TEAD1: variants seen among roughly 807,000 people sequenced by gnomAD.
TEAD1 encodes TEA domain transcription factor 1, also known as transcriptional enhancer factor TEF-1.
In TEAD1, 9 loss-of-function variants were observed where a neutral mutation model predicts 54.9. The ratio of observed to expected loss-of-function variants is 0.16; its 90% CI spans 0.10 to 0.29. The LOEUF is 0.29. Ranked by LOEUF, TEAD1 falls within the 10% of genes least tolerant of loss-of-function variation. The pLI is 1.00. For synonymous variants in TEAD1, 200 were observed against 187.8 expected (o/e 1.07, Z -0.53); for missense variants, 387 against 535.9 (o/e 0.72, Z 2.74).
intron 3 of TEAD1, among the ~76,000 whole-genome samples, chr11:12,804,104 T>C (rs1946120201): frequency 6.6e-6 from 1 of 152,240 alleles, no homozygotes; most frequent in African/African-American, 2.4e-5. Context: ...TGCCAGAGCT[T>C]ATTTACCCAA....
chr11:12,729,239 G>A (rs1423637841), intron 2 of TEAD1, among the ~76,000 whole-genome samples: 1 of 152,206 alleles, frequency 6.6e-6, no homozygotes, highest in African/African-American at 2.4e-5. Context: ...TCATGTGGAC[G>A]AGATTCCCCA....
chr11:12,903,050 G>T (rs1282307147), intron 10 of TEAD1, among the ~76,000 whole-genome samples: 1 of 152,134 alleles, frequency 6.6e-6, no homozygotes, highest in East Asian at 1.9e-4. Flanking sequence ...GCCTCAGGGG[G>T]CCTTATTCAT....
chr11:12,680,519 T>C (rs1943197022), intron 2 of TEAD1, among the ~76,000 whole-genome samples: 1 of 152,348 alleles, frequency 6.6e-6, no homozygotes, highest in East Asian at 1.9e-4. Context: ...AAAAGCGCAT[T>C]GTCTGCTTGC....
chr11:12,846,372 T>C (rs1345964417), intron 3 of TEAD1, among the ~76,000 whole-genome samples: 1 of 152,220 alleles, frequency 6.6e-6, no homozygotes, highest in Non-Finnish European at 1.5e-5. Context: ...CTTGTTGGTT[T>C]AAACTGCTTA....
rs368963682 is a variant in TEAD1 at position 12,873,865 on chromosome 11, A to C, written c.331-5843A>C. Reference sequence around the variant, plus strand: ...AACATCTGCAAGATTACTTCTTAGGAAAGTATTTTGTGTTTTGTCTTTTTC... The same window carrying C: ...AACATCTGCAAGATTACTTCTTAGGCAAGTATTTTGTGTTTTGTCTTTTTC... On this transcript the variant is annotated intron_variant, in intron 5 of 12. Coordinates refer to ENST00000527636, the MANE Select transcript of TEAD1 (RefSeq NM_021961.6). Among the ~76,000 whole-genome samples, 26 of 152,330 alleles carry C rather than the reference A, an allele frequency of 1.7e-4. No individual in the cohort carries two copies. In the East Asian group the frequency reaches 1.7e-3, roughly 10 times the overall value.
chr11:12,894,497 A>C (rs1049424863), intron 9 of TEAD1, among the ~76,000 whole-genome samples: 1 of 152,186 alleles, frequency 6.6e-6, no homozygotes, highest in Non-Finnish European at 1.5e-5. Context: ...TTTCATCTAC[A>C]GTGATGGACA....
chr11:12,791,096 G>T (rs533291795), intron 3 of TEAD1, among the ~76,000 whole-genome samples: 1 of 152,278 alleles, frequency 6.6e-6, no homozygotes, highest in African/African-American at 2.4e-5. Context: ...CCTCATCTCC[G>T]TTATGGATTG....
intron 2 of TEAD1, among the ~76,000 whole-genome samples, chr11:12,759,236 A>G (rs1416260735): frequency 6.6e-6 from 1 of 152,106 alleles, no homozygotes; most frequent in Non-Finnish European, 1.5e-5. Context: ...CTCTTGTTGG[A>G]TAGAGTTGGT....
At chr11:12,864,972 A>T in intron 5 of TEAD1, 72 bp downstream of exon 5, 1 of 1,528,650 alleles carries the variant, frequency 6.5e-7, no homozygotes, top group South Asian at 1.1e-5. Context: ...GTGACTGGTG[A>T]ATGCCTGGTG....
chr11:12,773,732 A>G (rs1457201702), intron 3 of TEAD1, among the ~76,000 whole-genome samples: 1 of 152,144 alleles, frequency 6.6e-6, no homozygotes, highest in Non-Finnish European at 1.5e-5. Context: ...ATCTTTTCTC[A>G]TGGGCAAAGC....
At chr11:12,870,472 A>G (rs541145857) in intron 5 of TEAD1, among the ~76,000 whole-genome samples, 8 of 152,202 alleles carry the variant, frequency 5.3e-5, no homozygotes, top group African/African-American at 1.9e-4. Context: ...TAAGATGGAA[A>G]AAAGAAAAAA....
intron 3 of TEAD1, among the ~76,000 whole-genome samples, chr11:12,811,152 C>T (rs1182782333): frequency 6.6e-6 from 1 of 152,170 alleles, no homozygotes; most frequent in Non-Finnish European, 1.5e-5. Flanking sequence ...CCAGTCACAT[C>T]CAGTGAGATA....
intron 2 of TEAD1, among the ~76,000 whole-genome samples, chr11:12,695,513 G>A (rs558773241): frequency 2.6e-5 from 4 of 152,090 alleles, no homozygotes; most frequent in Admixed American, 2.0e-4. Flanking sequence ...ATTGCTTATC[G>A]TCTCTAGACC....
At chr11:12,749,133 G>T (rs963092241) in intron 2 of TEAD1, among the ~76,000 whole-genome samples, 1 of 152,100 alleles carries the variant, frequency 6.6e-6, no homozygotes, top group Non-Finnish European at 1.5e-5. Context: ...TGTGTGTGAG[G>T]ATTTGCGCTG....
chr11:12,890,569 G>A (rs1322944618), intron 9 of TEAD1, among the ~76,000 whole-genome samples: 2 of 152,128 alleles, frequency 1.3e-5, no homozygotes, highest in Non-Finnish European at 1.5e-5. Context: ...TAACAGGATC[G>A]CTGCCATGCT....
In TEAD1 at chr11:12,724,421, T is replaced by G. The variant is rs995972030; in HGVS notation, c.-54-39758T>G. On this transcript the variant is annotated intron_variant, in intron 2 of 12. Transcript: ENST00000527636. Reference sequence around the variant, plus strand: ...TTGAGATGAGGCACAATTAATTTATTTGTACTGTCTGTGGAGGCGTATGCC... The same window carrying G: ...TTGAGATGAGGCACAATTAATTTATGTGTACTGTCTGTGGAGGCGTATGCC... Among the ~76,000 whole-genome samples, 3 of 152,236 alleles carry G rather than the reference T, an allele frequency of 2.0e-5. No individual in the cohort carries two copies. In the East Asian group the frequency reaches 5.8e-4, roughly 29 times the overall value.
chr11:12,845,423 T>C (rs1947126568), intron 3 of TEAD1, among the ~76,000 whole-genome samples: 1 of 152,198 alleles, frequency 6.6e-6, no homozygotes, highest in African/African-American at 2.4e-5. Context: ...CTAGAAGTGT[T>C]AGTCTAGCAC....
intron 2 of TEAD1, among the ~76,000 whole-genome samples, chr11:12,683,121 C>T (rs907493747): frequency 2.6e-5 from 4 of 152,074 alleles, no homozygotes; most frequent in East Asian, 1.9e-4. Context: ...TTATGTTACC[C>T]GATTTATTTA....
intron 2 of TEAD1, among the ~76,000 whole-genome samples, chr11:12,745,914 C>T (rs1944738248): frequency 6.6e-6 from 1 of 152,182 alleles, no homozygotes; most frequent in Non-Finnish European, 1.5e-5. Context: ...AGTGGGAAAC[C>T]CATTCCACCC....
Sources: allele counts gnomAD v4.1 joint callset (sites outside exome capture counted in the v4.1 genomes callset), GRCh38; gene constraint gnomAD v4.1.1; transcripts MANE v1.5; gene names NCBI Gene and HGNC (gene_info 2026-07-23, HGNC 2026-07-21).